The following OR1J2 variants were observed in gnomAD, a reference collection of about 807,000 sequenced individuals.
OR1J2 encodes the protein olfactory receptor 1J2.
For synonymous variants in OR1J2, 142 were observed against 99.7 expected, an observed-to-expected ratio of 1.42 and a Z score of -2.52; for missense variants, 304 against 246.1, an observed-to-expected ratio of 1.24 and a Z score of -1.57.
the OR1J2 span, among the ~76,000 whole-genome samples, chr9:122,465,879 G>A: frequency 6.6e-6 from 1 of 152,032 alleles, no homozygotes; most frequent in Non-Finnish European, 1.5e-5. Flanking sequence ...CCTGAACCTG[G>A]TCCTGTTAAA....
the OR1J2 span, among the ~76,000 whole-genome samples, chr9:122,489,766 T>G: frequency 6.6e-6 from 1 of 152,206 alleles, no homozygotes; most frequent in Non-Finnish European, 1.5e-5. Flanking sequence ...TTTAACTTTT[T>G]CTCCACATTG....
At chr9:122,532,378 G>T in the OR1J2 span, among the ~76,000 whole-genome samples, 3 of 152,212 alleles carry the variant, frequency 2.0e-5, no homozygotes, top group African/African-American at 7.2e-5. Flanking sequence ...AGGCCTGGTG[G>T]AACCGCCATC....
At chr9:122,499,842 C>T in the OR1J2 span, among the ~76,000 whole-genome samples, 1 of 152,168 alleles carries the variant, frequency 6.6e-6, no homozygotes. Flanking sequence ...CCCTGCTGCA[C>T]CACGATCTCA....
chr9:122,495,564 T>C, the OR1J2 span, among the ~76,000 whole-genome samples: 1 of 152,086 alleles, frequency 6.6e-6, no homozygotes, highest in East Asian at 1.9e-4. Context: ...GCCATCTATT[T>C]CACTGAAGAA....
At chr9:122,525,706 A>G in the OR1J2 span, among the ~76,000 whole-genome samples, 1 of 152,014 alleles carries the variant, frequency 6.6e-6, no homozygotes, top group African/African-American at 2.4e-5. Flanking sequence ...AGGAGCTTTA[A>G]CCCCCTTCCT....
chr9:122,546,229 G>A, the OR1J2 span, among the ~76,000 whole-genome samples: 1,608 of 152,202 alleles, frequency 0.011, 33 homozygotes, highest in African/African-American at 0.037. Flanking sequence ...GAATGTGGGA[G>A]GAAAGTAAAT....
the OR1J2 span, among the ~76,000 whole-genome samples, chr9:122,496,019 A>G: frequency 6.6e-6 from 1 of 152,160 alleles, no homozygotes; most frequent in African/African-American, 2.4e-5. Flanking sequence ...GTATCTACAA[A>G]GAGTACTGTG....
chr9:122,539,316 C>T, the OR1J2 span, among the ~76,000 whole-genome samples: 2 of 152,024 alleles, frequency 1.3e-5, no homozygotes, highest in African/African-American at 4.8e-5. Flanking sequence ...TTCCTGTGTC[C>T]ATGTGTTCTC....
chr9:122,556,958 T>C, the OR1J2 span, among the ~76,000 whole-genome samples: 1 of 152,198 alleles, frequency 6.6e-6, no homozygotes, highest in African/African-American at 2.4e-5. Context: ...CATATTAATC[T>C]TGTATATAGA....
upstream of OR1J2, among the ~76,000 whole-genome samples, chr9:122,508,257 C>A (rs1459436295): frequency 6.6e-6 from 1 of 151,856 alleles, no homozygotes; most frequent in African/African-American, 2.4e-5. Context: ...GATGCTTGAG[C>A]CTAGCACACT....
the OR1J2 span, among the ~76,000 whole-genome samples, chr9:122,499,053 C>T: frequency 1.3e-5 from 2 of 152,268 alleles, no homozygotes; most frequent in Non-Finnish European, 2.9e-5. Flanking sequence ...CTGGCAGAAG[C>T]TCCCTCTTGC....
the OR1J2 span, among the ~76,000 whole-genome samples, chr9:122,540,874 A>T: frequency 6.6e-6 from 1 of 152,108 alleles, no homozygotes; most frequent in Admixed American, 6.6e-5. Flanking sequence ...TTCTCTTTGA[A>T]GCAATTGTGA....
chr9:122,557,571 G>A, the OR1J2 span, among the ~76,000 whole-genome samples: 2 of 151,986 alleles, frequency 1.3e-5, no homozygotes, highest in Non-Finnish European at 1.5e-5. Flanking sequence ...TGGATATGGT[G>A]TATAATTCTT....
At chr9:122,570,627 GTTCC>G in the OR1J2 span, among the ~76,000 whole-genome samples, 1 of 152,136 alleles carries the variant, frequency 6.6e-6, no homozygotes, top group African/African-American at 2.4e-5. Flanking sequence ...AGGACAAGCT[GTTCC>G]CCAGCCACCT....
At chr9:122,533,793 G>A in the OR1J2 span, among the ~76,000 whole-genome samples, 3 of 152,020 alleles carry the variant, frequency 2.0e-5, no homozygotes, top group South Asian at 2.1e-4. Context: ...GGTAGCCTCC[G>A]TATTAAGAAG....
At chr9:122,461,516 C>G in the OR1J2 span, among the ~76,000 whole-genome samples, 1 of 151,884 alleles carries the variant, frequency 6.6e-6, no homozygotes, top group Non-Finnish European at 1.5e-5. Context: ...CTTAGATTGC[C>G]TATTTGTGCT....
upstream of OR1J2, among the ~76,000 whole-genome samples, chr9:122,507,720 G>A (rs999093520): frequency 2.6e-5 from 4 of 152,228 alleles, no homozygotes; most frequent in Admixed American, 6.5e-5. Context: ...CACACCCAGA[G>A]TCCAGCAAAG....
the OR1J2 span, among the ~76,000 whole-genome samples, chr9:122,556,569 C>T: frequency 7.2e-5 from 11 of 151,998 alleles, no homozygotes; most frequent in Middle Eastern, 3.4e-3. Flanking sequence ...CTAATGCATG[C>T]GGGGCTTAAA....
At chr9:122,466,515 G>A in the OR1J2 span, among the ~76,000 whole-genome samples, 1 of 152,226 alleles carries the variant, frequency 6.6e-6, no homozygotes, top group Non-Finnish European at 1.5e-5. Flanking sequence ...TGGTTAATCT[G>A]GCAAATCACC....
Sources: allele counts gnomAD v4.1 joint callset (sites outside exome capture counted in the v4.1 genomes callset), GRCh38; gene constraint gnomAD v4.1.1; transcripts MANE v1.5; gene names NCBI Gene and HGNC (gene_info 2026-07-23, HGNC 2026-07-21).